The following MARCHF1 variants were observed in gnomAD, a reference collection of about 807,000 sequenced individuals.
The protein encoded by MARCHF1 is E3 ubiquitin-protein ligase MARCHF1.
A neutral mutation model predicts 54.2 loss-of-function variants in MARCHF1; 40 were observed. That is an observed-to-expected ratio of 0.74 (90% CI 0.57 to 0.96). MARCHF1 has a LOEUF of 0.96. Ranked by LOEUF, MARCHF1 falls within the 40% of genes least tolerant of loss-of-function variation. MARCHF1 has a pLI of 0.00. For missense variants in MARCHF1, 586 were observed against 656.5 expected, an observed-to-expected ratio of 0.89 and a Z score of 1.17; for synonymous variants, 236 against 236.3, an observed-to-expected ratio of 1.00 and a Z score of 0.01.
intron 1 of MARCHF1, among the ~76,000 whole-genome samples, chr4:164,299,019 C>T (rs4274804): frequency 0.91 from 138,749 of 152,176 alleles, 63,303 homozygotes; most frequent in Non-Finnish European, 0.92. Flanking sequence ...CATTATATTT[C>T]AAACAAAATA....
chr4:163,605,749 C>T (rs1343090406), intron 7 of MARCHF1, among the ~76,000 whole-genome samples: 1 of 152,134 alleles, frequency 6.6e-6, no homozygotes, highest in Non-Finnish European at 1.5e-5. Flanking sequence ...AGTTCACGTC[C>T]TTAGCAGGGA....
intron 1 of MARCHF1, among the ~76,000 whole-genome samples, chr4:164,376,224 G>A (rs913233564): frequency 6.6e-6 from 1 of 152,166 alleles, no homozygotes; most frequent in South Asian, 2.1e-4. Flanking sequence ...GTCAACAGAT[G>A]ACCTCACAGT....
At chr4:164,328,928 C>G (rs563758130) in intron 1 of MARCHF1, among the ~76,000 whole-genome samples, 1 of 152,184 alleles carries the variant, frequency 6.6e-6, no homozygotes, top group Non-Finnish European at 1.5e-5. Context: ...CTAGTTTAAG[C>G]ATTCCCACCA....
At chr4:163,709,046 TTATG>T (rs951329223) in intron 4 of MARCHF1, among the ~76,000 whole-genome samples, 4 of 152,114 alleles carry the variant, frequency 2.6e-5, no homozygotes, top group Non-Finnish European at 5.9e-5. Flanking sequence ...ATGAAATAGA[TTATG>T]TATAGAGAGT....
At chr4:164,262,204 T>G (rs1313822227) in intron 1 of MARCHF1, among the ~76,000 whole-genome samples, 2 of 151,970 alleles carry the variant, frequency 1.3e-5, no homozygotes, top group Non-Finnish European at 2.9e-5. Context: ...CCTCAAAGCC[T>G]GATAGGGAGA....
At chr4:164,097,192 T>A (rs2111146612) in intron 2 of MARCHF1, among the ~76,000 whole-genome samples, 1 of 152,244 alleles carries the variant, frequency 6.6e-6, no homozygotes, top group South Asian at 2.1e-4. Context: ...CTAAAATAAG[T>A]GTATTTTAAA....
chr4:164,038,418 G>A (rs1350948411), intron 2 of MARCHF1, among the ~76,000 whole-genome samples: 9 of 152,184 alleles, frequency 5.9e-5, no homozygotes, highest in Non-Finnish European at 8.8e-5. Flanking sequence ...GTGTGAACCC[G>A]GGAGGTGGAG....
chr4:163,701,515 A>T (rs977424928), intron 4 of MARCHF1, among the ~76,000 whole-genome samples: 1 of 152,188 alleles, frequency 6.6e-6, no homozygotes, highest in African/African-American at 2.4e-5. Context: ...AATGTTTTTT[A>T]AAAGGTCATA....
chr4:163,672,252 T>C (rs73871005), intron 5 of MARCHF1, among the ~76,000 whole-genome samples: 4,444 of 152,206 alleles, frequency 0.029, 215 homozygotes, highest in African/African-American at 0.1. Context: ...CTCTAAACTA[T>C]GTATTTTTTA....
At chr4:163,530,133 A>G (rs1224985333) in intron 9 of MARCHF1, 1 of 151,970 alleles carries the variant, frequency 6.6e-6, no homozygotes, top group African/African-American at 2.4e-5. Context: ...ATGCTTCTGG[A>G]AGCAAAGCAG....
At chr4:164,059,753 T>C (rs1057217743) in intron 2 of MARCHF1, among the ~76,000 whole-genome samples, 2 of 152,164 alleles carry the variant, frequency 1.3e-5, no homozygotes, top group African/African-American at 2.4e-5. Flanking sequence ...TATCATACAA[T>C]GTGAAGCACA....
intron 3 of MARCHF1, among the ~76,000 whole-genome samples, chr4:163,915,421 T>C (rs932112314): frequency 1.3e-5 from 2 of 151,856 alleles, no homozygotes; most frequent in African/African-American, 4.8e-5. Context: ...ACTGAGAAAC[T>C]GAGAAATTAT....
At chr4:163,832,152 T>C (rs1749042477) in intron 4 of MARCHF1, among the ~76,000 whole-genome samples, 1 of 152,196 alleles carries the variant, frequency 6.6e-6, no homozygotes, top group African/African-American at 2.4e-5. Flanking sequence ...AGTAAGAGAT[T>C]GGAGGTACAT....
intron 5 of MARCHF1, among the ~76,000 whole-genome samples, chr4:163,627,001 G>A (rs13108854): frequency 0.33 from 50,300 of 152,006 alleles, 9,225 homozygotes; most frequent in Non-Finnish European, 0.42. Context: ...AGTCTTTTTG[G>A]TTGTGAAAAA....
rs191040130 is a variant in MARCHF1 at position 163,783,556 on chromosome 4, G to A, written c.111+70465C>T. Among the ~76,000 whole-genome samples, 390 of 152,254 alleles carry A rather than the reference G, an allele frequency of 2.6e-3. 1 individual carries two copies. Among genetic ancestry groups the A allele is most frequent in the African/African-American group, 7.6e-3 (315 of 41,548 alleles). On this transcript the variant is annotated intron_variant, in intron 4 of 9. Transcript: ENST00000514618. ...GAGATCTGAGTCATCTGTCTTCACC[G>A]TAGCTGCAAGAGAGCCTGGGAAATG...
Position 163,759,632 on chromosome 4 carries a change from T to C in MARCHF1, c.112-58769A>G, listed in dbSNP as rs367672652. On this transcript the variant is annotated intron_variant, in intron 4 of 9. Transcript: ENST00000514618. ...AATCTACATTGAGCTGAAATGAACTTGGCATAATCAAAGGATATAATGCAG... is the reference window on the plus strand; with the variant it reads ...AATCTACATTGAGCTGAAATGAACTCGGCATAATCAAAGGATATAATGCAG... Among the ~76,000 whole-genome samples, 15 of 152,342 alleles carry C rather than the reference T, an allele frequency of 9.8e-5. No individual in the cohort carries two copies. The South Asian group carries it at 2.9e-3, about 29-fold the overall frequency.
At chr4:163,676,185 C>CAAAAAAAAAA (rs869219643) in intron 5 of MARCHF1, among the ~76,000 whole-genome samples, 47 of 89,036 alleles carry the variant, frequency 5.3e-4, no homozygotes, top group African/African-American at 1.1e-3. Flanking sequence ...ACTAAAAATA[C>CAAAAAAAAAA]AAAAAAAAAA....
At chr4:164,237,391 ATT>A (rs1345649959) in intron 1 of MARCHF1, among the ~76,000 whole-genome samples, 1 of 151,948 alleles carries the variant, frequency 6.6e-6, no homozygotes, top group African/African-American at 2.4e-5. Context: ...TTTGCTTGGC[ATT>A]GCTCTATGCT....
At chr4:163,648,427 G>C (rs1742838128) in intron 5 of MARCHF1, among the ~76,000 whole-genome samples, 1 of 149,458 alleles carries the variant, frequency 6.7e-6, no homozygotes, top group Non-Finnish European at 1.5e-5. Flanking sequence ...TGGTGAATCA[G>C]CAATTTTAAG....
Sources: gnomAD v4.1 joint callset for allele counts (sites outside exome capture counted in the v4.1 genomes callset) on GRCh38, gnomAD v4.1.1 for gene constraint, MANE v1.5 for transcripts, NCBI Gene and HGNC (gene_info 2026-07-23, HGNC 2026-07-21) for gene names.